Variants in SETD2 observed in about 807,000 individuals in gnomAD.
SETD2 encodes SET domain containing 2, histone lysine methyltransferase, also known as histone-lysine N-methyltransferase SETD2.
In SETD2, 31 loss-of-function variants were observed where a neutral mutation model predicts 242.1. The ratio of observed to expected loss-of-function variants is 0.13; its 90% CI spans 0.10 to 0.17. SETD2 has a LOEUF of 0.17. Among genes scored for constraint, SETD2 ranks in the 10% least tolerant of loss-of-function variants. The pLI, the probability that SETD2 is intolerant of heterozygous loss-of-function variation, is 1.00. For missense variants in SETD2, 2,481 were observed against 3,046.3 expected (o/e 0.81, Z 4.37); for synonymous variants, 1,006 against 1,066.5 (o/e 0.94, Z 1.11).
chr3:47,091,116 A>C (rs1246663895), intron 9 of SETD2, among the ~76,000 whole-genome samples: 4 of 152,242 alleles, frequency 2.6e-5, no homozygotes, highest in Non-Finnish European at 5.9e-5. Flanking sequence ...ATACATGAAC[A>C]GAAAAACCAA....
In SETD2 at chr3:47,017,488, C is replaced by T. The variant is rs946436786; in HGVS notation, c.7533+150G>A. 1.7e-5 allele frequency: 12 copies of T among 719,786 alleles called. No individual in the cohort carries two copies. Among genetic ancestry groups the T allele is most frequent in the Non-Finnish European group, 1.9e-5 (8 of 427,716 alleles). The allele number at this position is 719,786 out of a possible 1,614,324, so 44.6% of individuals were successfully genotyped here. A position where few individuals can be genotyped will look rare whatever the true frequency, so the allele number is the denominator to read the frequency against. On this transcript the variant is annotated intron_variant, in intron 20 of 20. Coordinates refer to ENST00000409792, the MANE Select transcript of SETD2 (RefSeq NM_014159.7). This position sits in a 1 kb window ranked among gnomAD's most constrained non-coding sequence, Gnocchi z 4.8. ...GCTGTCATGTAAGGTACGCATCCCTCCCCAAACCTTCCCTCCCCGTTCCTG... is the reference window on the plus strand; with the variant it reads ...GCTGTCATGTAAGGTACGCATCCCTTCCCAAACCTTCCCTCCCCGTTCCTG...
At chr3:47,075,135 TA>T (rs199630834) in intron 12 of SETD2, among the ~76,000 whole-genome samples, 1,317 of 125,904 alleles carry the variant, frequency 0.01, 2 homozygotes, top group Middle Eastern at 0.022. Context: ...CTCCGTCTCT[TA>T]AAAAAAAAAA....
intron 16 of SETD2, among the ~76,000 whole-genome samples, chr3:47,045,879 C>T (rs2039502894): frequency 1.3e-5 from 2 of 148,194 alleles, no homozygotes; most frequent in Admixed American, 1.4e-4. Context: ...AGGTTCACGC[C>T]ATTCTCCTGT....
chr3:47,062,069 C>T, intron 14 of SETD2, 94 bp downstream of exon 14: 2 of 1,119,872 alleles, frequency 1.8e-6, no homozygotes, highest in Non-Finnish European at 2.6e-6. Flanking sequence ...TTCCAAAAGC[C>T]CTTGATGTTC....
At chr3:47,111,772 G>GC (rs2042660202) in intron 5 of SETD2, among the ~76,000 whole-genome samples, 9 of 150,884 alleles carry the variant, frequency 6.0e-5, no homozygotes, top group Middle Eastern at 3.4e-3. Flanking sequence ...AGAACAATTT[G>GC]CTTATCAAAA....
At position 47,056,095 on chromosome 3, in the gene SETD2, TTTATTTATTTATTTA is replaced by T. The variant is rs771668272; in HGVS notation, c.6963+711_6963+725del. 3.5e-3 allele frequency among the ~76,000 whole-genome samples: 147 copies of T among 42,550 alleles called. 2 individuals are homozygous for T. The East Asian group carries it at 0.035, about 10-fold the overall frequency. The allele number at this position is 42,550 out of a possible 152,430, so 27.9% of individuals were successfully genotyped here. On this transcript the variant is annotated intron_variant, in intron 15 of 20. Coordinates refer to ENST00000409792, the MANE Select transcript of SETD2 (RefSeq NM_014159.7). ...AAAAAAAAGAAAAGAAAACATGATT[TTTATTTATTTATTTA>T]TTTATTTATTTATTTATTTATTTAT...
At chr3:47,046,650 T>C in intron 15 of SETD2, 29 bp from the exon 16 acceptor site, 1 of 1,594,810 alleles carries the variant, frequency 6.3e-7, no homozygotes, top group Non-Finnish European at 8.6e-7. Flanking sequence ...AAATCAATAA[T>C]TTAAGCTTTT....
intron 9 of SETD2, among the ~76,000 whole-genome samples, chr3:47,093,565 T>C (rs1013717129): frequency 6.6e-6 from 1 of 152,206 alleles, no homozygotes; most frequent in Non-Finnish European, 1.5e-5. Context: ...ATTATAGGCA[T>C]GAGCCACTGC....
At chr3:47,046,109 G>A (rs1456402168) in intron 16 of SETD2, among the ~76,000 whole-genome samples, 1 of 151,754 alleles carries the variant, frequency 6.6e-6, no homozygotes, top group South Asian at 2.1e-4. Context: ...AGGCTGAGGC[G>A]GGTGGATCAC....
At position 47,122,913 on chromosome 3, in the gene SETD2, A is replaced by G; in HGVS notation, c.1723T>C (p.Cys575Arg). Residue 575 changes from cysteine to arginine, a missense_variant, in exon 3 of 21, where the codon TGT becomes CGT. Physicochemically the swap from Cys to Arg is radical, Grantham distance 180. This residue lies in a region of SETD2 where 1,300 missense variants were observed against 1,259.2 expected (regional missense o/e 1.03). Coordinates refer to ENST00000409792, the MANE Select transcript of SETD2 (RefSeq NM_014159.7). Reference sequence around the variant, plus strand: ...TTGATTTCTTCATTTAATTCTGTACAACAGAAAGAATTTTTAAATTTATCA... The same window carrying G: ...TTGATTTCTTCATTTAATTCTGTACGACAGAAAGAATTTTTAAATTTATCA... ...KSDKFKNSFC[C>R]TELNEEIKQS... 1 of 1,610,184 alleles carries G rather than the reference A, an allele frequency of 6.2e-7. No homozygotes were observed. The highest frequency in any genetic ancestry group is 8.5e-7 in the Non-Finnish European group (1 of 1,178,410).
In SETD2 at chr3:47,124,227, C is replaced by T. The variant is rs886565042; in HGVS notation, c.409G>A (p.Val137Met). The change falls in exon 3 of 21, where the codon GTG (valine) becomes ATG (methionine). Residue 137 changes from valine (V) to methionine (M), a missense_variant. Transcript: ENST00000409792. ...TTAAAATGAATTTTGCCCAATTCCA[C>T]CCTTGACTTTGGTGGGGAAGATTCT... Reference protein sequence around the residue: ...AEESSPPKSRVELGKIHFKKH... With the variant: ...AEESSPPKSRMELGKIHFKKH... The T allele has an allele frequency of 3.2e-6, 5 of 1,551,650 alleles. No individual in the cohort carries two copies. The African/African-American group carries it at 4.1e-5, about 13-fold the overall frequency.
chr3:47,051,888 G>A (rs960054567), intron 15 of SETD2, among the ~76,000 whole-genome samples: 4 of 152,210 alleles, frequency 2.6e-5, no homozygotes, highest in South Asian at 4.2e-4. Context: ...TGACAAGACC[G>A]GATGTTTAAG....
At chr3:47,151,981 G>A (rs1007410393) in intron 1 of SETD2, among the ~76,000 whole-genome samples, 2 of 152,126 alleles carry the variant, frequency 1.3e-5, no homozygotes, top group African/African-American at 4.8e-5. Flanking sequence ...ACTACGGTTT[G>A]AATGTGTTCA....
intron 5 of SETD2, among the ~76,000 whole-genome samples, chr3:47,107,629 T>G (rs1197639727): frequency 6.6e-6 from 1 of 150,458 alleles, no homozygotes; most frequent in African/African-American, 2.4e-5. Context: ...TAATTTAAAA[T>G]GATGACAAAA....
intron 7 of SETD2, 32 bp from the exon 8 acceptor site, chr3:47,101,587 G>C: frequency 1.7e-6 from 2 of 1,183,494 alleles, no homozygotes; most frequent in Non-Finnish European, 2.5e-6. Flanking sequence ...AAAGAAATTA[G>C]TAACTTATTA....
chr3:47,062,351 G>C lies in SETD2; in HGVS notation c.6110-5C>G, dbSNP rs2040371167. 6.4e-7 allele frequency: 1 copy of C among 1,559,612 alleles called. No homozygotes were observed. Among genetic ancestry groups the C allele is most frequent in the African/African-American group, 1.5e-5 (1 of 67,944 alleles). ...CATCCCTTCCTCGTTCAGTTGCTAAGGGAAAAGGGTGGTTTGTTTGTTTTT... is the reference window on the plus strand; with the variant it reads ...CATCCCTTCCTCGTTCAGTTGCTAACGGAAAAGGGTGGTTTGTTTGTTTTT... On this transcript the variant is annotated splice_polypyrimidine_tract_variant and splice_region_variant and intron_variant, in intron 13 of 20. Coordinates refer to ENST00000409792, the MANE Select transcript of SETD2 (RefSeq NM_014159.7).
At position 47,046,562 on chromosome 3, in the gene SETD2, T is replaced by A. The variant is rs780703918; in HGVS notation, c.7023A>T (p.Pro2341=). 6.2e-7 allele frequency: 1 copy of A among 1,613,494 alleles called. No individual in the cohort carries two copies. The highest frequency in any genetic ancestry group is 1.1e-5 in the South Asian group (1 of 91,016). The part of the protein sequence containing the change: ...IQGQQIFTAH[P]QGVVVQPAAA... ...CGGCTGGCTGTACCACCACTCCTTG[T>A]GGATGAGCTGTGAAAATCTGTTGCC... is the stretch of plus-strand genomic sequence containing the variant. The change falls in exon 16 of 21, where the codon CCA becomes CCT. Residue 2341 remains proline, a synonymous_variant. Transcript: ENST00000409792.
At chr3:47,059,108 CTTTTTTTT>C (rs111615859) in intron 14 of SETD2, among the ~76,000 whole-genome samples, 1 of 104,552 alleles carries the variant, frequency 9.6e-6, no homozygotes, top group African/African-American at 3.9e-5. Flanking sequence ...CACGCCTGGC[CTTTTTTTT>C]TTTTTTTTTT....
rs1321902987 is a variant in SETD2, at chr3:47,124,274, C to T, written c.362G>A (p.Gly121Asp). 1 of 1,551,724 alleles carries T rather than the reference C, an allele frequency of 6.4e-7. No homozygotes were observed. The highest frequency in any genetic ancestry group is 8.7e-7 in the Non-Finnish European group (1 of 1,147,004). The change falls in exon 3 of 21, where the codon GGT becomes GAT. Residue 121 changes from glycine (G) to aspartate (D), a missense_variant. Physicochemically the swap from Gly to Asp is moderately conservative, Grantham distance 94 (BLOSUM62 -1). Around this residue, in one of 17 missense-constraint regions of SETD2, gnomAD observed 334 missense variants for 374.5 expected, o/e 0.89. Transcript: ENST00000409792. Reference protein sequence around the residue: ...DSTPKMKMEIGDTLSTAEESS... With the variant: ...DSTPKMKMEIDDTLSTAEESS... Reference sequence around the variant, plus strand: ...TTCTTCTGCAGTAGATAAGGTATCACCAATTTCCATTTTCATTTTAGGAGT... The same window carrying T: ...TTCTTCTGCAGTAGATAAGGTATCATCAATTTCCATTTTCATTTTAGGAGT...
Sources: allele counts gnomAD v4.1 joint callset (sites outside exome capture counted in the v4.1 genomes callset), GRCh38; gene constraint gnomAD v4.1.1; regional missense constraint gnomAD v4.1.1; non-coding constraint Gnocchi (gnomAD v3.1); transcripts MANE v1.5; gene names NCBI Gene and HGNC (gene_info 2026-07-23, HGNC 2026-07-21).